The following FAF1 variants were observed in gnomAD, a reference collection of about 807,000 sequenced individuals.
FAF1 encodes Fas associated factor 1.
A neutral mutation model predicts 92.5 loss-of-function variants in FAF1; 25 were observed. The observed-to-expected ratio is 0.27, with a 90% confidence interval of 0.20 to 0.38. The LOEUF (loss-of-function observed/expected upper bound fraction) is 0.38. Ranked by LOEUF, FAF1 falls within the 10% of genes least tolerant of loss-of-function variation. The probability of loss-of-function intolerance (pLI) is 1.00; values close to 1 mark genes in which losing one functional copy is unlikely to be tolerated. For synonymous variants in FAF1, 234 were observed against 273.2 expected, an observed-to-expected ratio of 0.86 and a Z score of 1.42; for missense variants, 636 against 793.3, an observed-to-expected ratio of 0.80 and a Z score of 2.38.
chr1:50,882,742 T>G (rs34102979), intron 1 of FAF1, among the ~76,000 whole-genome samples: 10,076 of 151,920 alleles, frequency 0.066, 464 homozygotes, highest in Non-Finnish European at 0.1. Flanking sequence ...TCCCAGCACT[T>G]TGGGAGGCCA....
At chr1:50,485,940 A>C (rs1210228508) in intron 17 of FAF1, among the ~76,000 whole-genome samples, 1 of 152,074 alleles carries the variant, frequency 6.6e-6, no homozygotes, top group Non-Finnish European at 1.5e-5. Context: ...GAGAACAGCA[A>C]GGGGAAATGG....
chr1:50,864,556 C>T (rs1243746476), intron 1 of FAF1, among the ~76,000 whole-genome samples: 1 of 151,890 alleles, frequency 6.6e-6, no homozygotes, highest in Non-Finnish European at 1.5e-5. Context: ...ACTATCTGAT[C>T]TTTGACAAAC....
chr1:50,949,193 A>G (rs1645195076), intron 1 of FAF1, among the ~76,000 whole-genome samples: 1 of 152,212 alleles, frequency 6.6e-6, no homozygotes, highest in Non-Finnish European at 1.5e-5. Flanking sequence ...AAATTTGCAG[A>G]CCCTACACCA....
intron 1 of FAF1, among the ~76,000 whole-genome samples, chr1:50,890,403 T>C (rs1014882584): frequency 3.3e-5 from 5 of 152,326 alleles, no homozygotes; most frequent in Admixed American, 3.3e-4. Flanking sequence ...ATCCTGTCAT[T>C]ATGATGTTAG....
chr1:50,699,632 ATAAG>A (rs1320345640), intron 7 of FAF1, among the ~76,000 whole-genome samples: 43 of 152,302 alleles, frequency 2.8e-4, no homozygotes, highest in South Asian at 6.2e-4. Context: ...CAAAAAATAC[ATAAG>A]TAAGTCAGAA....
chr1:50,579,341 T>C (rs554759594), intron 12 of FAF1, among the ~76,000 whole-genome samples: 16 of 152,260 alleles, frequency 1.1e-4, no homozygotes, highest in African/African-American at 3.8e-4. Context: ...TTTAAAAATA[T>C]CTATACCTAT....
intron 8 of FAF1, among the ~76,000 whole-genome samples, chr1:50,599,375 G>A (rs1016608713): frequency 2.0e-5 from 3 of 152,074 alleles, no homozygotes; most frequent in Non-Finnish European, 1.5e-5. Context: ...GCCTCCCAAA[G>A]TGCTGGGATT....
intron 8 of FAF1, among the ~76,000 whole-genome samples, chr1:50,647,378 T>C (rs1262930335): frequency 6.6e-6 from 1 of 152,222 alleles, no homozygotes; most frequent in Non-Finnish European, 1.5e-5. Flanking sequence ...TGTACCTCGC[T>C]TCTTTCTGTA....
At chr1:50,552,339 T>A (rs1649351267) in intron 13 of FAF1, among the ~76,000 whole-genome samples, 1 of 151,084 alleles carries the variant, frequency 6.6e-6, no homozygotes. Flanking sequence ...TTTAAGCAAC[T>A]CACCCACCAC....
intron 15 of FAF1, among the ~76,000 whole-genome samples, chr1:50,508,373 G>C (rs1647086353): frequency 6.6e-6 from 1 of 152,160 alleles, no homozygotes; most frequent in South Asian, 2.1e-4. Flanking sequence ...ACAAAATGTG[G>C]TATATCCATA....
intron 8 of FAF1, among the ~76,000 whole-genome samples, chr1:50,645,840 A>AG (rs1169372850): frequency 2.6e-5 from 4 of 151,844 alleles, no homozygotes; most frequent in African/African-American, 4.8e-5. Context: ...AAAAGAAAAA[A>AG]AAAAGGAAGA....
chr1:50,849,493 A>G (rs569394981), intron 2 of FAF1, among the ~76,000 whole-genome samples: 33 of 152,290 alleles, frequency 2.2e-4, no homozygotes, highest in Admixed American at 7.2e-4. Flanking sequence ...CTGTGCAGTA[A>G]ATCAATTACT....
rs1365059290 is a variant in FAF1, at chr1:50,960,159, G to T, written c.-348C>A. On this transcript the variant is annotated 5_prime_UTR_variant, in exon 1 of 19. Coordinates refer to ENST00000396153, the MANE Select transcript of FAF1 (RefSeq NM_007051.3). ...CGCGCACCCGGATACCTTCAGCGGC[G>T]TTAAGCCCGGCGGGGGCGGGGAAAC... is the stretch of plus-strand genomic sequence containing the variant. The T allele has an allele frequency of 9.2e-6, 3 of 327,462 alleles. No individual in the cohort carries two copies. The highest frequency in any genetic ancestry group is 2.2e-5 in the African/African-American group (1 of 45,970). The allele number at this position is 327,462 out of a possible 1,614,324, so 20.3% of individuals were successfully genotyped here. A position where few individuals can be genotyped will look rare whatever the true frequency, so the allele number is the denominator to read the frequency against.
At chr1:50,911,009 C>G (rs939933384) in intron 1 of FAF1, among the ~76,000 whole-genome samples, 1 of 151,884 alleles carries the variant, frequency 6.6e-6, no homozygotes, top group African/African-American at 2.4e-5. Context: ...CATCTTGGAA[C>G]CTCCTTTCAC....
At chr1:50,569,814 C>T (rs914375147) in intron 12 of FAF1, among the ~76,000 whole-genome samples, 19 of 152,016 alleles carry the variant, frequency 1.2e-4, no homozygotes, top group South Asian at 2.1e-4. Context: ...ACACATGTGC[C>T]GAAGAGGCTA....
At chr1:50,549,522 G>A (rs534332545) in intron 13 of FAF1, among the ~76,000 whole-genome samples, 1 of 152,224 alleles carries the variant, frequency 6.6e-6, no homozygotes, top group East Asian at 1.9e-4. Context: ...GCTCACGACT[G>A]TACTCCCAGC....
At chr1:50,646,846 T>C (rs1020751269) in intron 8 of FAF1, among the ~76,000 whole-genome samples, 2 of 152,130 alleles carry the variant, frequency 1.3e-5, no homozygotes, top group Non-Finnish European at 2.9e-5. Context: ...AAGGACTCTA[T>C]TTCTTCTTCT....
chr1:50,731,779 G>C (rs917960032), intron 6 of FAF1, among the ~76,000 whole-genome samples: 1 of 152,078 alleles, frequency 6.6e-6, no homozygotes, highest in Non-Finnish European at 1.5e-5. Context: ...TCACTTCTAA[G>C]TATCTGATGT....
chr1:50,596,297 A>G (rs1651812670), intron 8 of FAF1, 81 bp from the exon 9 acceptor site: 2 of 968,624 alleles, frequency 2.1e-6, no homozygotes, highest in East Asian at 2.5e-5. Flanking sequence ...GGTATTTTCT[A>G]TTATTGCTGA....
Sources: allele counts gnomAD v4.1 joint callset (sites outside exome capture counted in the v4.1 genomes callset), GRCh38; gene constraint gnomAD v4.1.1; transcripts MANE v1.5; gene names NCBI Gene and HGNC (gene_info 2026-07-23, HGNC 2026-07-21).